ARHGAP39: variants seen among roughly 807,000 people sequenced by gnomAD.
ARHGAP39 encodes Rho GTPase activating protein 39.
A neutral mutation model predicts 106.9 loss-of-function variants in ARHGAP39; 44 were observed. The ratio of observed to expected loss-of-function variants is 0.41; its 90% CI spans 0.32 to 0.53. The LOEUF is 0.53. Ranked by LOEUF, ARHGAP39 falls within the 20% of genes least tolerant of loss-of-function variation. ARHGAP39 has a pLI of 0.21. For missense variants in ARHGAP39, 1,496 were observed against 1,577.3 expected (o/e 0.95, Z 0.87); for synonymous variants, 768 against 693.2 (o/e 1.11, Z -1.69).
At chr8:144,692,397 G>C in the ARHGAP39 span, among the ~76,000 whole-genome samples, 1 of 152,218 alleles carries the variant, frequency 6.6e-6, no homozygotes, top group East Asian at 1.9e-4. Flanking sequence ...CCCCTCAGCT[G>C]TGCACCCACA....
chr8:144,607,749 C>A (rs148453077), intron 1 of ARHGAP39, among the ~76,000 whole-genome samples: 1 of 152,242 alleles, frequency 6.6e-6, no homozygotes, highest in South Asian at 2.1e-4. Context: ...CCTACACTCA[C>A]GCCGCTCACA....
At chr8:144,621,780 T>A (rs1226529970) in intron 1 of ARHGAP39, among the ~76,000 whole-genome samples, 1 of 152,224 alleles carries the variant, frequency 6.6e-6, no homozygotes, top group Admixed American at 6.5e-5. Context: ...ATATCGCCAC[T>A]GCACTCTGCA....
At chr8:144,695,949 G>A in the ARHGAP39 span, among the ~76,000 whole-genome samples, 148 of 152,270 alleles carry the variant, frequency 9.7e-4, no homozygotes, top group Non-Finnish European at 1.6e-3. Flanking sequence ...TGAAAGAGCC[G>A]AGATGGAGTC....
intron 1 of ARHGAP39, among the ~76,000 whole-genome samples, chr8:144,667,652 T>C (rs1821997290): frequency 6.6e-6 from 1 of 152,178 alleles, no homozygotes; most frequent in African/African-American, 2.4e-5. Flanking sequence ...AGTGTGACTG[T>C]GGTAAGAGGG....
At chr8:144,649,817 C>G (rs574677407) in intron 1 of ARHGAP39, among the ~76,000 whole-genome samples, 57 of 152,178 alleles carry the variant, frequency 3.7e-4, no homozygotes, top group African/African-American at 1.3e-3. Flanking sequence ...CCATCAGAAA[C>G]TACTATGAAC....
At chr8:144,595,012 A>G (rs530559051) in intron 2 of ARHGAP39, among the ~76,000 whole-genome samples, 28 of 152,234 alleles carry the variant, frequency 1.8e-4, no homozygotes, top group Non-Finnish European at 3.1e-4. Context: ...TTCGCACTCC[A>G]GCCTGACAAG....
intron 2 of ARHGAP39, among the ~76,000 whole-genome samples, chr8:144,587,183 A>T (rs143025683): frequency 6.6e-6 from 1 of 152,208 alleles, no homozygotes; most frequent in African/African-American, 2.4e-5. Context: ...TCTTTTCTTT[A>T]TAAGTTGTCC....
At chr8:144,630,610 G>A in intron 1 of ARHGAP39, among the ~76,000 whole-genome samples, 1 of 152,240 alleles carries the variant, frequency 6.6e-6, no homozygotes, top group Non-Finnish European at 1.5e-5. Flanking sequence ...TTGCTGTGGT[G>A]TGAATGAATG....
intron 1 of ARHGAP39, among the ~76,000 whole-genome samples, chr8:144,636,279 A>G (rs1407232971): frequency 2.0e-5 from 3 of 152,202 alleles, no homozygotes; most frequent in Non-Finnish European, 4.4e-5. Flanking sequence ...CAGAAGAAAA[A>G]CTTCTTAAAA....
In ARHGAP39 at chr8:144,547,703, C is replaced by T. The variant is rs781311244; in HGVS notation, c.1383G>A (p.Pro461=). The T allele has an allele frequency of 1.4e-5, 23 of 1,587,150 alleles. No individual in the cohort carries two copies. The Admixed American group carries it at 3.5e-4, about 24-fold the overall frequency. The change falls in exon 5 of 12, where the codon CCG becomes CCA. Residue 461 remains proline (P), a synonymous_variant. Coordinates refer to ENST00000377307, the MANE Select transcript of ARHGAP39 (RefSeq NM_025251.3). The surrounding 1 kb of genome is among the most constrained non-coding windows in gnomAD (Gnocchi z 5.2). ...MEGPELRHSQ[P]PTPLPQAQED... ...CCTGGGCCTGTGGCAGCGGCGTGGG[C>T]GGCTGGCTGTGCCGCAGCTCAGGTC...
At chr8:144,617,394 C>G (rs1027634393) in intron 1 of ARHGAP39, among the ~76,000 whole-genome samples, 1 of 140,842 alleles carries the variant, frequency 7.1e-6, no homozygotes, top group Non-Finnish European at 1.7e-5. Context: ...CACCCAGCAC[C>G]GCAAACCAGG....
the ARHGAP39 span, among the ~76,000 whole-genome samples, chr8:144,695,133 T>A: frequency 1.4e-5 from 1 of 74,024 alleles, no homozygotes; most frequent in South Asian, 5.4e-4. Flanking sequence ...GAAGTGCAGT[T>A]GCGCTATCTC....
At chr8:144,579,869 C>G (rs1405423980) in intron 3 of ARHGAP39, among the ~76,000 whole-genome samples, 1 of 152,126 alleles carries the variant, frequency 6.6e-6, no homozygotes, top group Non-Finnish European at 1.5e-5. Flanking sequence ...CCCTGGGGTC[C>G]AGCCTCTCCT....
At position 144,563,623 on chromosome 8, in the gene ARHGAP39, A is replaced by T. The variant is rs547331321; in HGVS notation, c.513-7980T>A. Among the ~76,000 whole-genome samples the T allele has an allele frequency of 2.4e-4, 35 of 146,942 alleles. No homozygotes were observed. In the East Asian group the frequency reaches 5.5e-3, roughly 23 times the overall value. ...AAAGATAGTGAGACCTTATCTCTATAAAAAAAAAATAATAATAATAAAAGA... is the reference window on the plus strand; with the variant it reads ...AAAGATAGTGAGACCTTATCTCTATTAAAAAAAAATAATAATAATAAAAGA... On this transcript the variant is annotated intron_variant, in intron 3 of 11. Transcript: ENST00000377307.
chr8:144,576,690 G>A (rs963828164), intron 3 of ARHGAP39, among the ~76,000 whole-genome samples: 14 of 152,332 alleles, frequency 9.2e-5, no homozygotes, highest in South Asian at 4.1e-4. Context: ...GAAGTTCTGC[G>A]CAGGCCCGAA....
At chr8:144,678,662 C>A (rs966238549) in intron 1 of ARHGAP39, among the ~76,000 whole-genome samples, 1 of 152,214 alleles carries the variant, frequency 6.6e-6, no homozygotes, top group Non-Finnish European at 1.5e-5. Flanking sequence ...ACGCTCTGAG[C>A]CTGGCGCCAT....
At chr8:144,574,556 C>T (rs1394183467) in intron 3 of ARHGAP39, among the ~76,000 whole-genome samples, 1 of 152,162 alleles carries the variant, frequency 6.6e-6, no homozygotes, top group African/African-American at 2.4e-5. Flanking sequence ...CACCTGTAGT[C>T]CCAGCTACTC....
intron 6 of ARHGAP39, among the ~76,000 whole-genome samples, chr8:144,541,772 C>T (rs1817201955): frequency 6.6e-6 from 1 of 152,172 alleles, no homozygotes; most frequent in South Asian, 2.1e-4. Flanking sequence ...CTGATGGATC[C>T]TTGTCATGTT....
chr8:144,676,973 T>C (rs1822259450), intron 1 of ARHGAP39, among the ~76,000 whole-genome samples: 2 of 152,272 alleles, frequency 1.3e-5, no homozygotes, highest in Non-Finnish European at 2.9e-5. Context: ...TTTCACCATG[T>C]TGGTCAGGAT....
Sources: gnomAD v4.1 joint callset for allele counts (sites outside exome capture counted in the v4.1 genomes callset) on GRCh38, gnomAD v4.1.1 for gene constraint, Gnocchi (gnomAD v3.1) non-coding constraint, MANE v1.5 for transcripts, NCBI Gene and HGNC (gene_info 2026-07-23, HGNC 2026-07-21) for gene names.